Variants in ADGRL3 observed in about 807,000 individuals in gnomAD.
The protein encoded by ADGRL3 is calcium-independent alpha-latrotoxin receptor 3.
ADGRL3 carries 62 observed loss-of-function variants against 153.5 expected under a neutral mutation model. The ratio of observed to expected loss-of-function variants is 0.40; its 90% CI spans 0.33 to 0.50. The LOEUF (loss-of-function observed/expected upper bound fraction) is 0.50. ADGRL3 is among the 20% of genes least tolerant of loss of function. The pLI is 0.47. For missense variants in ADGRL3, 1,641 were observed against 1,859.4 expected, an observed-to-expected ratio of 0.88 and a Z score of 2.16; for synonymous variants, 710 against 672.5, an observed-to-expected ratio of 1.06 and a Z score of -0.86.
rs142688566 is a variant in ADGRL3, at chr4:62,021,490, A to T, written c.3396-7365A>T. ...AATGATATTATTATTTTATTCAAAC[A>T]TAAGACTCAAAAATTGCATACAGGC... On this transcript the variant is annotated intron_variant, in intron 21 of 26. Transcript: ENST00000683033. Among the ~76,000 whole-genome samples, 10 of 152,300 alleles carry T rather than the reference A, an allele frequency of 6.6e-5. No individual in the cohort carries two copies. In the East Asian group the frequency reaches 1.4e-3, roughly 21 times the overall value.
At chr4:61,298,043 G>T (rs1009975850) in intron 1 of ADGRL3, among the ~76,000 whole-genome samples, 10 of 152,090 alleles carry the variant, frequency 6.6e-5, no homozygotes, top group Non-Finnish European at 1.5e-5. Flanking sequence ...AGTGAAAGAA[G>T]AATCAGCTCT....
intron 5 of ADGRL3, among the ~76,000 whole-genome samples, chr4:61,610,138 GATATAT>G (rs34171023): frequency 6.8e-6 from 1 of 146,818 alleles, no homozygotes; most frequent in Admixed American, 6.8e-5. Flanking sequence ...AGGGAAGTGA[GATATAT>G]ATATATATAT....
intron 1 of ADGRL3, among the ~76,000 whole-genome samples, chr4:61,340,682 CA>C (rs1022524022): frequency 7.2e-5 from 11 of 152,132 alleles, no homozygotes; most frequent in African/African-American, 2.7e-4. Flanking sequence ...GAGATTTATG[CA>C]CAGACTTTTC....
intron 8 of ADGRL3, among the ~76,000 whole-genome samples, chr4:61,763,186 A>ATT (rs2096933598): frequency 7.1e-6 from 1 of 141,186 alleles, no homozygotes; most frequent in Non-Finnish European, 1.5e-5. Context: ...CGTTAGTAAC[A>ATT]TTTCTTTTTT....
At chr4:61,255,005 CA>C (rs1361477125) in intron 1 of ADGRL3, among the ~76,000 whole-genome samples, 1 of 151,610 alleles carries the variant, frequency 6.6e-6, no homozygotes, top group African/African-American at 2.4e-5. Flanking sequence ...GTACTTTTTT[CA>C]TCACTGAAAG....
intron 6 of ADGRL3, among the ~76,000 whole-genome samples, chr4:61,697,969 A>T (rs1041221518): frequency 2.0e-5 from 3 of 152,152 alleles, no homozygotes; most frequent in Admixed American, 2.0e-4. Flanking sequence ...CTATGGGAAA[A>T]TACTTAGAAT....
chr4:61,613,353 G>C (rs1227613190), intron 5 of ADGRL3, among the ~76,000 whole-genome samples: 1 of 152,100 alleles, frequency 6.6e-6, no homozygotes, highest in Non-Finnish European at 1.5e-5. Flanking sequence ...TTTTATATTT[G>C]ACATGGTATA....
chr4:61,756,428 A>G (rs2096831415), intron 8 of ADGRL3, among the ~76,000 whole-genome samples: 1 of 152,038 alleles, frequency 6.6e-6, no homozygotes, highest in African/African-American at 2.4e-5. Flanking sequence ...TTTGTCTGTT[A>G]TTGGTGTATA....
At chr4:61,644,344 T>C (rs2150245326) in intron 5 of ADGRL3, among the ~76,000 whole-genome samples, 1 of 151,538 alleles carries the variant, frequency 6.6e-6, no homozygotes, top group South Asian at 2.1e-4. Context: ...TTTGAATGTG[T>C]TTGCTCTTGC....
chr4:61,331,872 T>C (rs1234092946), intron 1 of ADGRL3, among the ~76,000 whole-genome samples: 5 of 152,016 alleles, frequency 3.3e-5, no homozygotes, highest in African/African-American at 4.8e-5. Flanking sequence ...ATTTCCCAAT[T>C]TGAGGAAATA....
In ADGRL3 at chr4:61,791,844, G is replaced by C. The variant is rs568890522; in HGVS notation, c.1400-21965G>C. On this transcript the variant is annotated intron_variant, in intron 8 of 26. Transcript: ENST00000683033. ...AGGCTTGGGGCTTGCACCCTCTGAA[G>C]CCATGGCCTGAGCTGTACATTGGCC... Among the ~76,000 whole-genome samples, 9 of 152,318 alleles carry C rather than the reference G, an allele frequency of 5.9e-5. No homozygotes were observed. The East Asian group carries it at 1.4e-3, about 23-fold the overall frequency.
intron 1 of ADGRL3, among the ~76,000 whole-genome samples, chr4:61,357,266 T>C (rs2096192661): frequency 6.6e-6 from 1 of 152,098 alleles, no homozygotes; most frequent in Non-Finnish European, 1.5e-5. Flanking sequence ...ATTAAAATAA[T>C]ATTTAGGAAT....
chr4:61,791,508 G>T (rs1165613059), intron 8 of ADGRL3, among the ~76,000 whole-genome samples: 1 of 152,116 alleles, frequency 6.6e-6, no homozygotes, highest in Admixed American at 6.5e-5. Context: ...TGCTTTCATG[G>T]GCTGGCATTG....
chr4:61,402,320 AAAAATTTTTTTAAAAAT>A (rs2096939013), intron 2 of ADGRL3, among the ~76,000 whole-genome samples: 1 of 152,134 alleles, frequency 6.6e-6, no homozygotes, highest in South Asian at 2.1e-4. Context: ...TAAATATTCA[AAAAATTTTTTTAAAAAT>A]TATTCTTTGC....
chr4:61,762,630 A>T (rs987222132), intron 8 of ADGRL3, among the ~76,000 whole-genome samples: 2 of 152,302 alleles, frequency 1.3e-5, no homozygotes, highest in East Asian at 1.9e-4. Context: ...TGTGAAAAAA[A>T]TTTTAGCTCT....
chr4:62,055,007 A>G (rs1215889243), intron 25 of ADGRL3, among the ~76,000 whole-genome samples: 1 of 151,754 alleles, frequency 6.6e-6, no homozygotes, highest in Non-Finnish European at 1.5e-5. Context: ...TGCACTGTTC[A>G]TGGGAAAGTG....
chr4:61,835,715 G>C (rs1345888223), intron 9 of ADGRL3, among the ~76,000 whole-genome samples: 1 of 152,024 alleles, frequency 6.6e-6, no homozygotes, highest in Non-Finnish European at 1.5e-5. Context: ...GAAACCAGAA[G>C]CTATCCATGG....
At chr4:61,688,161 T>C (rs973920064) in intron 6 of ADGRL3, among the ~76,000 whole-genome samples, 10 of 152,244 alleles carry the variant, frequency 6.6e-5, no homozygotes, top group African/African-American at 2.4e-4. Flanking sequence ...TTTTCTACCT[T>C]GGCTAAAACA....
chr4:61,509,055 C>G (rs549832216), intron 3 of ADGRL3, among the ~76,000 whole-genome samples: 4 of 151,548 alleles, frequency 2.6e-5, no homozygotes, highest in Non-Finnish European at 5.9e-5. Context: ...TCCCACAACC[C>G]GTGGGAATTA....
Sources: allele counts gnomAD v4.1 joint callset (sites outside exome capture counted in the v4.1 genomes callset), GRCh38; gene constraint gnomAD v4.1.1; transcripts MANE v1.5; gene names NCBI Gene and HGNC (gene_info 2026-07-23, HGNC 2026-07-21).